TMEM178B: variants seen among roughly 807,000 people sequenced by gnomAD.
TMEM178B encodes the protein transmembrane protein 178B.
In TMEM178B, 5 loss-of-function variants were observed where a neutral mutation model predicts 31.0. The observed-to-expected ratio is 0.16, with a 90% confidence interval of 0.08 to 0.34. TMEM178B has a LOEUF of 0.34. TMEM178B is among the 10% of genes least tolerant of loss of function. TMEM178B has a pLI of 1.00. For synonymous variants in TMEM178B, 164 were observed against 164.0 expected (o/e 1.00, Z 0.00); for missense variants, 275 against 400.3 (o/e 0.69, Z 2.67).
chr7:141,236,205 T>C (rs567762420), intron 2 of TMEM178B, among the ~76,000 whole-genome samples: 1 of 152,184 alleles, frequency 6.6e-6, no homozygotes, highest in South Asian at 2.1e-4. Context: ...AGAGGGTTTG[T>C]ATTGAGTGGG....
In TMEM178B at chr7:141,461,682, G is replaced by C. The variant is rs753554654; in HGVS notation, c.635-8854G>C. On this transcript the variant is annotated intron_variant, in intron 3 of 3. Coordinates refer to ENST00000565468, the MANE Select transcript of TMEM178B (RefSeq NM_001195278.2). This position sits in a 1 kb window ranked among gnomAD's most constrained non-coding sequence, Gnocchi z 4.0. ...GTGGCTTCTCTGAGAATCCCTAAGCGGAGTGGAAACACATGTTCTAGCCTC... is the reference window on the plus strand; with the variant it reads ...GTGGCTTCTCTGAGAATCCCTAAGCCGAGTGGAAACACATGTTCTAGCCTC... Among the ~76,000 whole-genome samples, 2 of 152,156 alleles carry C rather than the reference G, an allele frequency of 1.3e-5. No homozygotes were observed. The highest frequency in any genetic ancestry group is 2.9e-5 in the Non-Finnish European group (2 of 68,032).
At chr7:141,161,930 GTGTT>G (rs1796180322) in intron 1 of TMEM178B, among the ~76,000 whole-genome samples, 4 of 141,254 alleles carry the variant, frequency 2.8e-5, no homozygotes, top group African/African-American at 1.1e-4. Flanking sequence ...GAGAATGTGT[GTGTT>G]TGTGTGAGGA....
intron 1 of TMEM178B, among the ~76,000 whole-genome samples, chr7:141,174,525 A>G (rs1001015337): frequency 6.6e-6 from 1 of 152,206 alleles, no homozygotes; most frequent in Non-Finnish European, 1.5e-5. Context: ...TAGATCCTTG[A>G]GGAATCACCA....
chr7:141,241,330 G>A (rs932080310), intron 2 of TMEM178B, among the ~76,000 whole-genome samples: 5 of 151,812 alleles, frequency 3.3e-5, no homozygotes, highest in African/African-American at 4.8e-5. Flanking sequence ...GGTGGCTCAC[G>A]CCTGTAATCC....
intron 2 of TMEM178B, among the ~76,000 whole-genome samples, chr7:141,231,140 G>C (rs561105524): frequency 5.9e-5 from 9 of 152,318 alleles, no homozygotes; most frequent in Middle Eastern, 3.4e-3. Flanking sequence ...GAACTCCCAA[G>C]AGGACTGAGA....
At chr7:141,329,021 C>T (rs926275441) in intron 2 of TMEM178B, among the ~76,000 whole-genome samples, 1 of 152,122 alleles carries the variant, frequency 6.6e-6, no homozygotes, top group Non-Finnish European at 1.5e-5. Context: ...ATGTCCCCCC[C>T]AGTCTATAAT....
intron 1 of TMEM178B, among the ~76,000 whole-genome samples, chr7:141,139,204 C>T (rs975119193): frequency 2.6e-5 from 4 of 152,176 alleles, no homozygotes; most frequent in Non-Finnish European, 4.4e-5. Flanking sequence ...CCATTAATCA[C>T]GCAGTCAGCT....
At chr7:141,153,455 A>G (rs1476252449) in intron 1 of TMEM178B, among the ~76,000 whole-genome samples, 1 of 152,212 alleles carries the variant, frequency 6.6e-6, no homozygotes, top group Non-Finnish European at 1.5e-5. Flanking sequence ...CATCTTTGCA[A>G]ATAGACTGCT....
chr7:141,475,327 C>T lies in TMEM178B; in HGVS notation c.*4541C>T, dbSNP rs1303482820. ...TCTGGGGCTGTGTTTGCCCTCTTTTCATTGATGCTGCCATGATGCAAAATG... is the reference window on the plus strand; with the variant it reads ...TCTGGGGCTGTGTTTGCCCTCTTTTTATTGATGCTGCCATGATGCAAAATG... On this transcript the variant is annotated 3_prime_UTR_variant, in exon 4 of 4. Coordinates refer to ENST00000565468, the MANE Select transcript of TMEM178B (RefSeq NM_001195278.2). The T allele has an allele frequency of 6.6e-6, 1 of 152,172 alleles. No homozygotes were observed. The highest frequency in any genetic ancestry group is 1.5e-5 in the Non-Finnish European group (1 of 68,024). 9.4% of individuals were successfully genotyped at this position (152,172 alleles called of 1,614,324 possible).
At chr7:141,428,191 C>T (rs960401893) in intron 2 of TMEM178B, among the ~76,000 whole-genome samples, 6 of 151,788 alleles carry the variant, frequency 4.0e-5, no homozygotes, top group African/African-American at 1.5e-4. Flanking sequence ...TGGAGAAACC[C>T]TGTCTCTACT....
chr7:141,414,859 C>T lies in TMEM178B; in HGVS notation c.497-22749C>T, dbSNP rs1270979705. On this transcript the variant is annotated intron_variant, in intron 2 of 3. Transcript: ENST00000565468. ...AAAAGTTGGGTCAATTATATGTGTG[C>T]GTTATTATTTATTCTATTATTTGCT... 5 of 152,178 alleles carry T rather than the reference C, an allele frequency of 3.3e-5. No individual in the cohort carries two copies. The East Asian group carries it at 5.8e-4, about 18-fold the overall frequency. 9.4% of individuals were successfully genotyped at this position (152,178 alleles called of 1,614,324 possible). A position where few individuals can be genotyped will look rare whatever the true frequency, so the allele number is the denominator to read the frequency against.
intron 2 of TMEM178B, among the ~76,000 whole-genome samples, chr7:141,256,514 G>A (rs141435918): frequency 1.3e-4 from 20 of 152,200 alleles, no homozygotes; most frequent in Admixed American, 3.3e-4. Context: ...GAGTGGTAAG[G>A]GGTAGGGTTG....
chr7:141,242,928 T>C (rs1013039382), intron 2 of TMEM178B, among the ~76,000 whole-genome samples: 4 of 152,120 alleles, frequency 2.6e-5, no homozygotes, highest in Admixed American at 1.3e-4. Flanking sequence ...GTCATTGTTT[T>C]CCACTTTTCC....
At chr7:141,366,374 G>A (rs1800005225) in intron 2 of TMEM178B, among the ~76,000 whole-genome samples, 1 of 152,144 alleles carries the variant, frequency 6.6e-6, no homozygotes, top group Non-Finnish European at 1.5e-5. Flanking sequence ...CAAGGGTCAC[G>A]ACAAATTTGT....
At chr7:141,252,296 G>T (rs192292480) in intron 2 of TMEM178B, among the ~76,000 whole-genome samples, 146 of 152,294 alleles carry the variant, frequency 9.6e-4, no homozygotes, top group Non-Finnish European at 1.7e-3. Flanking sequence ...ACTGGACAGG[G>T]GGTCTCTTCT....
chr7:141,185,964 T>C (rs568951102), intron 1 of TMEM178B, among the ~76,000 whole-genome samples: 2 of 152,302 alleles, frequency 1.3e-5, no homozygotes, highest in East Asian at 3.9e-4. Context: ...ATGTGGACTT[T>C]GGTCCTTGAT....
intron 2 of TMEM178B, among the ~76,000 whole-genome samples, chr7:141,298,501 G>A (rs1290515139): frequency 6.6e-6 from 1 of 152,220 alleles, no homozygotes; most frequent in Non-Finnish European, 1.5e-5. Flanking sequence ...GCAGTGGAGA[G>A]AGATCTGGGG....
At chr7:141,116,549 G>A (rs1334366046) in intron 1 of TMEM178B, among the ~76,000 whole-genome samples, 1 of 151,816 alleles carries the variant, frequency 6.6e-6, no homozygotes, top group Non-Finnish European at 1.5e-5. Context: ...TAAGTTCTGG[G>A]ATACATGTGC....
At chr7:141,154,931 T>C (rs903352640) in intron 1 of TMEM178B, among the ~76,000 whole-genome samples, 8 of 152,004 alleles carry the variant, frequency 5.3e-5, no homozygotes, top group Non-Finnish European at 7.4e-5. Context: ...GATCTCACCA[T>C]ATTGGCCAGG....
Sources: allele counts gnomAD v4.1 joint callset (sites outside exome capture counted in the v4.1 genomes callset), GRCh38; gene constraint gnomAD v4.1.1; non-coding constraint Gnocchi (gnomAD v3.1); transcripts MANE v1.5; gene names NCBI Gene and HGNC (gene_info 2026-07-23, HGNC 2026-07-21).